Variants in MAP1S observed in about 807,000 individuals in gnomAD.
The protein encoded by MAP1S is microtubule associated protein 1S.
A neutral mutation model predicts 60.9 loss-of-function variants in MAP1S; 27 were observed. The ratio of observed to expected loss-of-function variants is 0.44; its 90% confidence interval spans 0.33 to 0.61. The LOEUF is 0.61. Ranked by LOEUF, MAP1S falls within the 20% of genes least tolerant of loss-of-function variation. The pLI, the probability that MAP1S is intolerant of heterozygous loss-of-function variation, is 0.03. For missense variants in MAP1S, 1,608 were observed against 1,486.6 expected, an observed-to-expected ratio of 1.08 and a Z score of -1.34; for synonymous variants, 826 against 694.2, an observed-to-expected ratio of 1.19 and a Z score of -2.98.
rs2080449971 is a variant in MAP1S, at chr19:17,727,599, C to T, written c.2215C>T (p.Leu739=). The change falls in exon 5 of 7, where the codon CTG becomes TTG. Residue 739 remains leucine (L), a synonymous_variant. Coordinates refer to ENST00000324096, the MANE Select transcript of MAP1S (RefSeq NM_018174.6). The surrounding 1 kb of genome is among the most constrained non-coding windows in gnomAD (Gnocchi z 4.1). ...SASPHDVDLC[L]VSPCEFEHRK... ...TTCCCCACACGATGTGGACCTGTGC[C>T]TGGTGTCACCCTGTGAATTTGAGCA... The T allele has an allele frequency of 2.5e-6, 4 of 1,607,384 alleles. No homozygotes were observed. Among genetic ancestry groups the T allele is most frequent in the Admixed American group, 1.7e-5 (1 of 59,980 alleles).
chr19:17,726,790 G>T lies in MAP1S; in HGVS notation c.1406G>T (p.Arg469Leu). The T allele has an allele frequency of 1.9e-6, 3 of 1,557,274 alleles. No individual in the cohort carries two copies. Among genetic ancestry groups the T allele is most frequent in the Non-Finnish European group, 1.7e-6 (2 of 1,152,284 alleles). ...VTPQDLEGPG[R>L]AESKESVGSR... The stretch of plus-strand genomic sequence containing the variant: ...CCCCAGGACCTGGAGGGGCCGGGGC[G>T]AGCCGAGAGCAAAGAGAGCGTGGGC... Residue 469 changes from arginine (R) to leucine (L), a missense_variant, in exon 5 of 7, where the codon CGA becomes CTA. Arg to Leu is a moderately radical substitution (Grantham distance 102, BLOSUM62 -2). This residue lies in a region of MAP1S where 1,167 missense variants were observed against 961.4 expected (regional missense o/e 1.21). Coordinates refer to ENST00000324096, the MANE Select transcript of MAP1S (RefSeq NM_018174.6).
chr19:17,720,436 GT>G, intron 1 of MAP1S: 1 of 1,535,038 alleles, frequency 6.5e-7, no homozygotes, highest in East Asian at 2.4e-5. Context: ...CACAGGTCTG[GT>G]TTGGGGATGG....
rs371569050 is a variant in MAP1S at position 17,726,046 on chromosome 19, C to T, written c.662C>T (p.Pro221Leu). 5.6e-6 allele frequency: 9 copies of T among 1,613,152 alleles called. No homozygotes were observed. The highest frequency in any genetic ancestry group is 3.3e-5 in the South Asian group (3 of 91,040). The change falls in exon 5 of 7, where the codon CCG (proline) becomes CTG (leucine). Residue 221 changes from proline (P) to leucine (L), a missense_variant. Around this residue, in one of 4 missense-constraint regions of MAP1S, gnomAD observed 320 missense variants for 393.1 expected, o/e 0.81. Coordinates refer to ENST00000324096, the MANE Select transcript of MAP1S (RefSeq NM_018174.6). ...LEYVAESLEP[P>L]SPFELLEPPT... ...TACGTGGCTGAGTCTCTGGAGCCAC[C>T]GTCCCCCTTCGAGCTGCTGGAGCCC...
At chr19:17,732,518 C>T (rs1326873830) in intron 5 of MAP1S, among the ~76,000 whole-genome samples, 1 of 152,222 alleles carries the variant, frequency 6.6e-6, no homozygotes, top group East Asian at 1.9e-4. Context: ...GCTGCTGTCT[C>T]ATCCGCATCC....
In MAP1S at chr19:17,726,472, C is replaced by T. The variant is rs1260612150; in HGVS notation, c.1088C>T (p.Ala363Val). 11 of 1,549,536 alleles carry T rather than the reference C, an allele frequency of 7.1e-6. No individual in the cohort carries two copies. Among genetic ancestry groups the T allele is most frequent in the Non-Finnish European group, 8.7e-6 (10 of 1,152,720 alleles). Residue 363 changes from alanine (A) to valine (V), a missense_variant, in exon 5 of 7, where the codon GCG becomes GTG. Ala to Val is a moderately conservative substitution (Grantham distance 64). Coordinates refer to ENST00000324096, the MANE Select transcript of MAP1S (RefSeq NM_018174.6). ...GCGGAGCTGGCGCTGAGCCTCCTGG[C>T]GCAGCTGGGCATCACGCCTCTGCCA... ...DEAELALSLLAQLGITPLPLS... is the reference protein window; with the variant it reads ...DEAELALSLLVQLGITPLPLS...
Position 17,725,846 on chromosome 19 carries a change from C to T in MAP1S, c.462C>T (p.Ala154=). ...LKDREIRDIL[A]TTPPPVQPPI... is the part of the protein sequence containing the mutation. The stretch of plus-strand genomic sequence containing the variant: ...CCATACAGATCCGGGACATCCTGGC[C>T]ACCACGCCCCCACCTGTGCAGCCGC... The change falls in exon 5 of 7, where the codon GCC becomes GCT. Residue 154 remains alanine, a synonymous_variant. Transcript: ENST00000324096. The surrounding 1 kb of genome is among the most constrained non-coding windows in gnomAD (Gnocchi z 4.2). 1 of 1,612,110 alleles carries T rather than the reference C, an allele frequency of 6.2e-7. No individual in the cohort carries two copies. The highest frequency in any genetic ancestry group is 8.5e-7 in the Non-Finnish European group (1 of 1,179,466).
intron 1 of MAP1S, chr19:17,720,162 T>C: frequency 1.5e-6 from 2 of 1,337,838 alleles, no homozygotes; most frequent in Non-Finnish European, 1.9e-6. Flanking sequence ...AGGTGAGTCA[T>C]AGGCGCACCT....
At position 17,733,180 on chromosome 19, in the gene MAP1S, C is replaced by A. The variant is rs79755265; in HGVS notation, c.2789-13C>A. On this transcript the variant is annotated splice_polypyrimidine_tract_variant and intron_variant, in intron 5 of 6. Transcript: ENST00000324096. Reference sequence around the variant, plus strand: ...AGGAGCTCATCCCTGCCTCCCCATCCCCCCGCCCGCAGGGTCAGCCAGCAG... The same window carrying A: ...AGGAGCTCATCCCTGCCTCCCCATCACCCCGCCCGCAGGGTCAGCCAGCAG... The A allele has an allele frequency of 8.4e-3, 12,731 of 1,516,370 alleles. 684 individuals carry two copies. The African/African-American group carries it at 0.13, about 15-fold the overall frequency. The allele number at this position is 1,516,370 out of a possible 1,614,324, so 93.9% of individuals were successfully genotyped here. A position where few individuals can be genotyped will look rare whatever the true frequency, so the allele number is the denominator to read the frequency against.
chr19:17,727,976 G>T lies in MAP1S; in HGVS notation c.2592G>T (p.Lys864Asn). ...CGGAGAACGTCAGCCGCACCCGGAAGCCCCTGGCCCGCCCCAACTCACGCG... is the reference window on the plus strand; with the variant it reads ...CGGAGAACGTCAGCCGCACCCGGAATCCCCTGGCCCGCCCCAACTCACGCG... ...RQTENVSRTR[K>N]PLARPNSRAA... The change falls in exon 5 of 7, where the codon AAG (lysine) becomes AAT (asparagine). Residue 864 changes from lysine (K) to asparagine (N), a missense_variant. Coordinates refer to ENST00000324096, the MANE Select transcript of MAP1S (RefSeq NM_018174.6). This position sits in a 1 kb window ranked among gnomAD's most constrained non-coding sequence, Gnocchi z 4.1. The T allele has an allele frequency of 6.2e-7, 1 of 1,608,876 alleles. No homozygotes were observed. Among genetic ancestry groups the T allele is most frequent in the Non-Finnish European group, 8.5e-7 (1 of 1,177,596 alleles).
intron 1 of MAP1S, chr19:17,720,292 G>C: frequency 3.5e-6 from 5 of 1,431,906 alleles, no homozygotes; most frequent in Non-Finnish European, 4.6e-6. Context: ...TTCATTGCAT[G>C]TAAAATGGGA....
Position 17,726,035 on chromosome 19 carries a change from T to C in MAP1S, c.651T>C (p.Ser217=). Residue 217 remains serine, a synonymous_variant, in exon 5 of 7, where the codon TCT becomes TCC. Transcript: ENST00000324096. The part of the protein sequence containing the change: ...LCEFLEYVAE[S]LEPPSPFELL... ...AATTCCTGGAGTACGTGGCTGAGTC[T>C]CTGGAGCCACCGTCCCCCTTCGAGC... 6.2e-7 allele frequency: 1 copy of C among 1,613,210 alleles called. No homozygotes were observed. Among genetic ancestry groups the C allele is most frequent in the Middle Eastern group, 1.7e-4 (1 of 6,058 alleles).
In MAP1S at chr19:17,726,235, G is replaced by A; in HGVS notation, c.851G>A (p.Arg284His). Residue 284 changes from arginine (R) to histidine (H), a missense_variant, in exon 5 of 7, where the codon CGC becomes CAC. Physicochemically the swap from Arg to His is conservative, Grantham distance 29. Coordinates refer to ENST00000324096, the MANE Select transcript of MAP1S (RefSeq NM_018174.6). Reference sequence around the variant, plus strand: ...TGGAAGCTGGTGCGGCACCTGGACCGCGTGGATGCCGTGCTGGTGACCCAC... The same window carrying A: ...TGGAAGCTGGTGCGGCACCTGGACCACGTGGATGCCGTGCTGGTGACCCAC... ...SFWKLVRHLDRVDAVLVTHPG... is the reference protein window; with the variant it reads ...SFWKLVRHLDHVDAVLVTHPG... 6.2e-7 allele frequency: 1 copy of A among 1,608,298 alleles called. No individual in the cohort carries two copies. The highest frequency in any genetic ancestry group is 8.5e-7 in the Non-Finnish European group (1 of 1,177,744).
chr19:17,733,786 G>C (rs2080514613), intron 6 of MAP1S, among the ~76,000 whole-genome samples: 1 of 152,240 alleles, frequency 6.6e-6, no homozygotes, highest in South Asian at 2.1e-4. Flanking sequence ...CCCCATGGCT[G>C]CATGAAGCTG....
intron 5 of MAP1S, among the ~76,000 whole-genome samples, chr19:17,729,857 T>A (rs1732573470): frequency 6.6e-6 from 1 of 152,128 alleles, no homozygotes; most frequent in Non-Finnish European, 1.5e-5. Flanking sequence ...GAGATGGGGT[T>A]TCACCATGCT....
chr19:17,725,813 C>A lies in MAP1S; in HGVS notation c.445-16C>A. On this transcript the variant is annotated splice_polypyrimidine_tract_variant and intron_variant, in intron 4 of 6. Coordinates refer to ENST00000324096, the MANE Select transcript of MAP1S (RefSeq NM_018174.6). The surrounding 1 kb of genome is among the most constrained non-coding windows in gnomAD (Gnocchi z 4.2). The stretch of plus-strand genomic sequence containing the variant: ...CCTGGCTCTAGGTGGTCCCTTACCA[C>A]TCCTCCTCCATACAGATCCGGGACA... 1 of 1,603,054 alleles carries A rather than the reference C, an allele frequency of 6.2e-7. No individual in the cohort carries two copies. The highest frequency in any genetic ancestry group is 1.1e-5 in the South Asian group (1 of 89,982).
Position 17,727,413 on chromosome 19 carries a change from G to T in MAP1S, c.2029G>T (p.Val677Leu). The T allele has an allele frequency of 6.3e-7, 1 of 1,599,192 alleles. No homozygotes were observed. Among genetic ancestry groups the T allele is most frequent in the Middle Eastern group, 1.7e-4 (1 of 6,034 alleles). ...DASPTVTTPT[V>L]TTPSLPAEVG... ...CTCACCCACAGTGACCACACCCACGGTGACCACGCCCTCACTACCCGCAGA... is the reference window on the plus strand; with the variant it reads ...CTCACCCACAGTGACCACACCCACGTTGACCACGCCCTCACTACCCGCAGA... Residue 677 changes from valine to leucine, a missense_variant, in exon 5 of 7, where the codon GTG becomes TTG. By Grantham distance (32) the Val-to-Leu change is conservative. This residue lies in a region of MAP1S where 1,167 missense variants were observed against 961.4 expected (regional missense o/e 1.21). Coordinates refer to ENST00000324096, the MANE Select transcript of MAP1S (RefSeq NM_018174.6). The surrounding 1 kb of genome is among the most constrained non-coding windows in gnomAD (Gnocchi z 4.1).
intron 5 of MAP1S, among the ~76,000 whole-genome samples, chr19:17,728,385 G>A (rs2080463616): frequency 6.6e-6 from 1 of 152,116 alleles, no homozygotes; most frequent in Non-Finnish European, 1.5e-5. Flanking sequence ...CAGTAGCTGG[G>A]ACTACTGGCA....
Position 17,727,550 on chromosome 19 carries a change from TGGCCCCCGGGCGCGGCGCTCG to T in MAP1S, c.2168_2188del (p.Gly723_Ser729del). ...AGGCTGGGCTGAGCCTCCCGCTGCG[TGGCCCCCGGGCGCGGCGCTCG>T]GCTTCCCCACACGATGTGGACCTGT... On this transcript the variant is annotated inframe_deletion, in exon 5 of 7. Transcript: ENST00000324096. This position sits in a 1 kb window ranked among gnomAD's most constrained non-coding sequence, Gnocchi z 4.1. The T allele has an allele frequency of 6.2e-7, 1 of 1,608,752 alleles. No homozygotes were observed.
intron 1 of MAP1S, 150 bp downstream of exon 1, chr19:17,719,770 C>T (rs2080354087): frequency 4.8e-6 from 1 of 210,382 alleles, no homozygotes; most frequent in Non-Finnish European, 8.3e-6. Context: ...GGGTCCCCTT[C>T]ACCGTTAGGC....
Sources: gnomAD v4.1 joint callset for allele counts (sites outside exome capture counted in the v4.1 genomes callset) on GRCh38, gnomAD v4.1.1 for gene constraint, gnomAD v4.1.1 regional missense constraint, Gnocchi (gnomAD v3.1) non-coding constraint, MANE v1.5 for transcripts, NCBI Gene and HGNC (gene_info 2026-07-23, HGNC 2026-07-21) for gene names.